The following FHIT variants were observed in gnomAD, a reference collection of about 807,000 sequenced individuals.
FHIT encodes bis(5'-adenosyl)-triphosphatase.
A neutral mutation model predicts 17.9 loss-of-function variants in FHIT; 19 were observed. The observed-to-expected ratio is 1.06, with a 90% CI of 0.74 to 1.56. The LOEUF is 1.56. Among genes scored for constraint, FHIT ranks in the 40% most tolerant of loss-of-function variants. The probability of loss-of-function intolerance (pLI) is 0.00; values close to 1 mark genes in which losing one functional copy is unlikely to be tolerated. For missense variants in FHIT, 248 were observed against 189.2 expected, an observed-to-expected ratio of 1.31 and a Z score of -1.82; for synonymous variants, 81 against 69.7, an observed-to-expected ratio of 1.16 and a Z score of -0.81.
At chr3:61,141,716 T>C (rs114913815) in intron 2 of FHIT, among the ~76,000 whole-genome samples, 2 of 151,490 alleles carry the variant, frequency 1.3e-5, no homozygotes, top group African/African-American at 4.8e-5. Context: ...CCTGATTCAG[T>C]GAAAAACGGA....
intron 8 of FHIT, among the ~76,000 whole-genome samples, chr3:59,782,627 C>T (rs1275908388): frequency 6.6e-6 from 1 of 152,118 alleles, no homozygotes; most frequent in African/African-American, 2.4e-5. Context: ...ATGATGCATC[C>T]GATTCAGTTT....
At chr3:59,802,065 T>C (rs982045710) in intron 8 of FHIT, among the ~76,000 whole-genome samples, 1 of 152,208 alleles carries the variant, frequency 6.6e-6, no homozygotes, top group African/African-American at 2.4e-5. Flanking sequence ...CTTGGTGTAG[T>C]ATATGCCACA....
At chr3:60,585,948 A>C (rs1324440197) in intron 4 of FHIT, among the ~76,000 whole-genome samples, 1 of 151,946 alleles carries the variant, frequency 6.6e-6, no homozygotes, top group East Asian at 1.9e-4. Context: ...AGAACTCTCC[A>C]AGTAGGGCAT....
At chr3:59,904,266 A>G (rs1180393880) in intron 8 of FHIT, among the ~76,000 whole-genome samples, 2 of 151,572 alleles carry the variant, frequency 1.3e-5, no homozygotes, top group Non-Finnish European at 2.9e-5. Flanking sequence ...AGCTCTAAAT[A>G]AGGAATTAAG....
intron 7 of FHIT, among the ~76,000 whole-genome samples, chr3:59,933,778 T>G (rs1405780816): frequency 6.6e-6 from 1 of 152,180 alleles, no homozygotes; most frequent in African/African-American, 2.4e-5. Flanking sequence ...TCTCCCTAAC[T>G]AGTAGTATAG....
At chr3:60,712,542 C>T (rs532181194) in intron 4 of FHIT, among the ~76,000 whole-genome samples, 2 of 151,916 alleles carry the variant, frequency 1.3e-5, no homozygotes, top group East Asian at 3.9e-4. Flanking sequence ...ATCTCACATA[C>T]AGAGACACAC....
At chr3:60,084,873 G>C (rs1250374387) in intron 5 of FHIT, among the ~76,000 whole-genome samples, 1 of 151,768 alleles carries the variant, frequency 6.6e-6, no homozygotes, top group Non-Finnish European at 1.5e-5. Context: ...CACACTCTTA[G>C]AATCAGGGAT....
At chr3:60,119,011 G>T (rs890049846) in intron 5 of FHIT, among the ~76,000 whole-genome samples, 1 of 147,402 alleles carries the variant, frequency 6.8e-6, no homozygotes, top group Admixed American at 6.7e-5. Flanking sequence ...ACAGAGGAAG[G>T]CTCCATCTCA....
At position 60,126,719 on chromosome 3, in the gene FHIT, C is replaced by T. The variant is rs116660963; in HGVS notation, c.104-112567G>A. ...AAATGCTGAAGTATTACCACATTTA[C>T]CTCAACAATGTCCCTGCCAAATGGA... On this transcript the variant is annotated intron_variant, in intron 5 of 9. Transcript: ENST00000492590. 5.3e-3 allele frequency among the ~76,000 whole-genome samples: 800 copies of T among 152,276 alleles called. 9 individuals are homozygous for T. Among genetic ancestry groups the T allele is most frequent in the African/African-American group, 0.017 (727 of 41,558 alleles).
At chr3:60,544,157 T>C (rs928473818) in intron 4 of FHIT, among the ~76,000 whole-genome samples, 2 of 151,880 alleles carry the variant, frequency 1.3e-5, no homozygotes, top group African/African-American at 4.8e-5. Context: ...CATACTGCAT[T>C]GGTCAGCTAT....
intron 5 of FHIT, among the ~76,000 whole-genome samples, chr3:60,420,142 C>T (rs904685134): frequency 2.6e-5 from 4 of 152,044 alleles, no homozygotes; most frequent in East Asian, 1.9e-4. Context: ...TTTCATTGTG[C>T]GTAAATATAC....
intron 5 of FHIT, among the ~76,000 whole-genome samples, chr3:60,192,438 G>A (rs1026976517): frequency 6.6e-6 from 1 of 152,086 alleles, no homozygotes; most frequent in African/African-American, 2.4e-5. Context: ...AGCCAACAGA[G>A]ACTCATCTCC....
At chr3:59,792,412 C>T (rs1190596782) in intron 8 of FHIT, among the ~76,000 whole-genome samples, 1 of 152,144 alleles carries the variant, frequency 6.6e-6, no homozygotes, top group Non-Finnish European at 1.5e-5. Flanking sequence ...GTTCCAAGTA[C>T]ACCCTCACTG....
chr3:60,006,621 A>G (rs562753136), intron 7 of FHIT, among the ~76,000 whole-genome samples: 4 of 151,940 alleles, frequency 2.6e-5, no homozygotes, highest in South Asian at 4.2e-4. Flanking sequence ...TTTCTCCACT[A>G]TCATTCAATA....
intron 4 of FHIT, among the ~76,000 whole-genome samples, chr3:60,820,774 T>C (rs1274388706): frequency 6.6e-6 from 1 of 152,110 alleles, no homozygotes; most frequent in Non-Finnish European, 1.5e-5. Flanking sequence ...GATTATTCAA[T>C]ATACATATTT....
chr3:60,409,777 C>G (rs1343342233), intron 5 of FHIT, among the ~76,000 whole-genome samples: 1 of 152,164 alleles, frequency 6.6e-6, no homozygotes, highest in Non-Finnish European at 1.5e-5. Context: ...CTCAATTTTT[C>G]ACAACAATGC....
intron 5 of FHIT, among the ~76,000 whole-genome samples, chr3:60,022,182 T>G (rs1700577362): frequency 6.7e-6 from 1 of 149,772 alleles, no homozygotes. Context: ...TGAGTAATTT[T>G]TCTGTTTTTT....
chr3:60,617,379 ATGTCCCT>A (rs1163226779), intron 4 of FHIT: 10 of 202,018 alleles, frequency 5.0e-5, no homozygotes, highest in African/African-American at 2.3e-4. Context: ...TTGTTGACCA[ATGTCCCT>A]TGTACCTTTT....
chr3:60,327,070 A>ACTGGT (rs1294173942), intron 5 of FHIT, among the ~76,000 whole-genome samples: 4 of 152,178 alleles, frequency 2.6e-5, no homozygotes, highest in South Asian at 2.1e-4. Flanking sequence ...TTCCTGCACC[A>ACTGGT]GTGACAGCAC....
Sources: allele counts gnomAD v4.1 joint callset (sites outside exome capture counted in the v4.1 genomes callset), GRCh38; gene constraint gnomAD v4.1.1; transcripts MANE v1.5; gene names NCBI Gene and HGNC (gene_info 2026-07-23, HGNC 2026-07-21).